CHSY3: variants seen among roughly 807,000 people sequenced by gnomAD.
The protein encoded by CHSY3 is chondroitin sulfate synthase 3.
A neutral mutation model predicts 67.2 loss-of-function variants in CHSY3; 35 were observed. That is an observed-to-expected ratio of 0.52 (90% CI 0.40 to 0.69). The LOEUF is 0.69. CHSY3 is among the 30% of genes least tolerant of loss of function. The probability of loss-of-function intolerance (pLI) is 0.00; values close to 1 mark genes in which losing one functional copy is unlikely to be tolerated. For synonymous variants in CHSY3, 474 were observed against 434.7 expected, an observed-to-expected ratio of 1.09 and a Z score of -1.12; for missense variants, 1,069 against 1,138.5, an observed-to-expected ratio of 0.94 and a Z score of 0.88.
Position 129,932,778 on chromosome 5 carries a change from T to A in CHSY3, c.1086+24418T>A, listed in dbSNP as rs1238840367. 3.9e-5 allele frequency among the ~76,000 whole-genome samples: 6 copies of A among 152,102 alleles called. No homozygotes were observed. In the East Asian group the frequency reaches 1.2e-3, roughly 29 times the overall value. ...AAGTCTTTTTTTTTTAAAGGCATAT[T>A]GAGAATTTCTAAGGCTCTTACTTTG... On this transcript the variant is annotated intron_variant, in intron 2 of 2. Transcript: ENST00000305031.
chr5:130,047,857 A>ACTCTTCTGAGTTCTACTCTTCTGCCCAGT (rs1765201342), intron 2 of CHSY3, among the ~76,000 whole-genome samples: 1 of 151,872 alleles, frequency 6.6e-6, no homozygotes, highest in African/African-American at 2.4e-5. Context: ...TCAAATTTTA[A>ACTCTTCTGAGTTCTACTCTTCTGCCCAGT]TATAACATTT....
chr5:130,175,360 CACAA>C (rs1770012370), intron 2 of CHSY3, among the ~76,000 whole-genome samples: 1 of 152,062 alleles, frequency 6.6e-6, no homozygotes, highest in Non-Finnish European at 1.5e-5. Context: ...TAAGAGAGGA[CACAA>C]ACAAATGGAA....
intron 2 of CHSY3, among the ~76,000 whole-genome samples, chr5:130,133,788 AAAAAAAAG>A (rs1211559955): frequency 8.1e-6 from 1 of 122,868 alleles, no homozygotes. Flanking sequence ...AAAAAAAAAA[AAAAAAAAG>A]AAAAAAAAAA....
At chr5:130,066,782 C>G (rs1765897948) in intron 2 of CHSY3, among the ~76,000 whole-genome samples, 1 of 152,078 alleles carries the variant, frequency 6.6e-6, no homozygotes, top group African/African-American at 2.4e-5. Flanking sequence ...AGCTGCAGGA[C>G]CAGCCAGGGA....
chr5:129,906,502 C>T (rs1306149214), intron 1 of CHSY3, among the ~76,000 whole-genome samples: 1 of 152,190 alleles, frequency 6.6e-6, no homozygotes, highest in Non-Finnish European at 1.5e-5. Flanking sequence ...CTTCCCAGAA[C>T]CACAGGCAGC....
intron 2 of CHSY3, among the ~76,000 whole-genome samples, chr5:129,914,491 A>T (rs1760674734): frequency 6.6e-6 from 1 of 152,246 alleles, no homozygotes; most frequent in African/African-American, 2.4e-5. Context: ...ATATATATGA[A>T]AAAGTATAAG....
intron 2 of CHSY3, among the ~76,000 whole-genome samples, chr5:130,054,746 T>C (rs1354191574): frequency 3.3e-5 from 5 of 152,240 alleles, no homozygotes; most frequent in Non-Finnish European, 7.3e-5. Flanking sequence ...TGTTTTAGTA[T>C]TAATAAATAC....
At chr5:130,040,382 T>C (rs1764975274) in intron 2 of CHSY3, among the ~76,000 whole-genome samples, 1 of 152,120 alleles carries the variant, frequency 6.6e-6, no homozygotes, top group African/African-American at 2.4e-5. Context: ...GTTTCAATTC[T>C]GAGTGACAAG....
chr5:130,115,963 T>A (rs987906060), intron 2 of CHSY3, among the ~76,000 whole-genome samples: 1 of 152,154 alleles, frequency 6.6e-6, no homozygotes, highest in Non-Finnish European at 1.5e-5. Context: ...CCTCTCCTTG[T>A]CTTCAGTTCT....
chr5:130,165,307 T>C (rs1769712043), intron 2 of CHSY3, among the ~76,000 whole-genome samples: 1 of 151,930 alleles, frequency 6.6e-6, no homozygotes, highest in Non-Finnish European at 1.5e-5. Context: ...ATTCAAGAGA[T>C]CGGTAAAATA....
At chr5:129,914,249 T>C (rs1760667368) in intron 2 of CHSY3, among the ~76,000 whole-genome samples, 1 of 152,114 alleles carries the variant, frequency 6.6e-6, no homozygotes, top group Non-Finnish European at 1.5e-5. Context: ...TAGCTGGGAT[T>C]ACAGACATGC....
rs1415869893 is a variant in CHSY3, at chr5:130,145,560, A to C, written c.1087-38669A>C. 3.3e-5 allele frequency among the ~76,000 whole-genome samples: 5 copies of C among 152,344 alleles called. No homozygotes were observed. The East Asian group carries it at 9.7e-4, about 29-fold the overall frequency. On this transcript the variant is annotated intron_variant, in intron 2 of 2. Coordinates refer to ENST00000305031, the MANE Select transcript of CHSY3 (RefSeq NM_175856.5). ...GGCCTGGGCAAGAATTTTTAAACCA[A>C]GACCTCAAATGTGCAGGCAGCAAAA... is the stretch of plus-strand genomic sequence containing the variant.
intron 2 of CHSY3, among the ~76,000 whole-genome samples, chr5:130,127,450 G>T (rs1057174909): frequency 6.7e-6 from 1 of 148,492 alleles, no homozygotes; most frequent in African/African-American, 2.5e-5. Flanking sequence ...GTTGCATCCT[G>T]GGTCTGTCTG....
At chr5:130,141,409 C>A in intron 2 of CHSY3, 2 of 368,402 alleles carry the variant, frequency 5.4e-6, no homozygotes, top group South Asian at 5.0e-5. Context: ...AACTCACAGT[C>A]ATTCCTCCTG....
chr5:129,935,993 T>G (rs1761475173), intron 2 of CHSY3, among the ~76,000 whole-genome samples: 1 of 152,156 alleles, frequency 6.6e-6, no homozygotes, highest in South Asian at 2.1e-4. Context: ...TAACTCGGGC[T>G]GAAAAAAAAT....
rs914756128 is a variant in CHSY3 at position 129,925,917 on chromosome 5, G to A, written c.1086+17557G>A. 5.4e-4 allele frequency among the ~76,000 whole-genome samples: 82 copies of A among 152,014 alleles called. 1 individual carries two copies. The highest frequency in any genetic ancestry group is 2.0e-3 in the African/African-American group (81 of 41,490). On this transcript the variant is annotated intron_variant, in intron 2 of 2. Coordinates refer to ENST00000305031, the MANE Select transcript of CHSY3 (RefSeq NM_175856.5). ...TGTGTGTGTGCATGTATATATATAT[G>A]CATTTATATAAAGCATTTATCACTG...
chr5:130,010,865 G>A (rs999460148), intron 2 of CHSY3, among the ~76,000 whole-genome samples: 1 of 151,958 alleles, frequency 6.6e-6, no homozygotes, highest in African/African-American at 2.4e-5. Flanking sequence ...ACACATAGTA[G>A]AAAACCTAGG....
At chr5:129,997,570 CATAGAT>C in intron 2 of CHSY3, among the ~76,000 whole-genome samples, 1 of 152,116 alleles carries the variant, frequency 6.6e-6, no homozygotes, top group Non-Finnish European at 1.5e-5. Context: ...AGGTTTGTTA[CATAGAT>C]ATACATGTGC....
chr5:130,184,395 G>C lies in CHSY3; in HGVS notation c.1253G>C (p.Arg418Pro). ...YMLSRKISELRYRTIQLHRES... is the reference protein window; with the variant it reads ...YMLSRKISELPYRTIQLHRES... ...CTCAGCCGCAAAATTTCTGAACTTC[G>C]CTACCGCACCATCCAGCTCCACAGG... Residue 418 changes from arginine to proline, a missense_variant, in exon 3 of 3, where the codon CGC (arginine) becomes CCC (proline). Coordinates refer to ENST00000305031, the MANE Select transcript of CHSY3 (RefSeq NM_175856.5). 1 of 1,613,760 alleles carries C rather than the reference G, an allele frequency of 6.2e-7. No homozygotes were observed. The highest frequency in any genetic ancestry group is 8.5e-7 in the Non-Finnish European group (1 of 1,179,756).
Sources: gnomAD v4.1 joint callset for allele counts (sites outside exome capture counted in the v4.1 genomes callset) on GRCh38, gnomAD v4.1.1 for gene constraint, MANE v1.5 for transcripts, NCBI Gene and HGNC (gene_info 2026-07-23, HGNC 2026-07-21) for gene names.